TBP: variants seen among roughly 807,000 people sequenced by gnomAD.
The protein encoded by TBP is TATA-box-binding protein.
TBP carries 12 observed loss-of-function variants against 46.2 expected under a neutral mutation model. That is an observed-to-expected ratio of 0.26 (90% CI 0.17 to 0.42). TBP has a LOEUF of 0.42. Ranked by LOEUF, TBP falls within the 10% of genes least tolerant of loss-of-function variation. The pLI is 1.00. For synonymous variants in TBP, 157 were observed against 148.3 expected (o/e 1.06, Z -0.42); for missense variants, 229 against 403.1 (o/e 0.57, Z 3.70).
At position 170,566,929 on chromosome 6, in the gene TBP, G is replaced by A. The variant is rs763833755; in HGVS notation, c.597G>A (p.Ala199=). The change falls in exon 5 of 8, where the codon GCG becomes GCA. Residue 199 remains alanine, a synonymous_variant. Coordinates refer to ENST00000392092, the MANE Select transcript of TBP (RefSeq NM_003194.5). The stretch of plus-strand genomic sequence containing the variant: ...TCTGACCATTGTAGCGGTTTGCTGC[G>A]GTAATCATGAGGATAAGAGAGCCAC... ...NAEYNPKRFA[A]VIMRIREPRT... 34 of 1,612,842 alleles carry A rather than the reference G, an allele frequency of 2.1e-5. No individual in the cohort carries two copies. Among genetic ancestry groups the A allele is most frequent in the Middle Eastern group, 1.6e-4 (1 of 6,080 alleles).
At chr6:170,565,748 C>T (rs1277090731) in intron 4 of TBP, among the ~76,000 whole-genome samples, 2 of 152,014 alleles carry the variant, frequency 1.3e-5, no homozygotes, top group African/African-American at 4.8e-5. Flanking sequence ...TTGATAAAAT[C>T]ACAGGGAAGA....
At chr6:170,555,496 G>T (rs1182647668) in intron 1 of TBP, among the ~76,000 whole-genome samples, 1 of 152,138 alleles carries the variant, frequency 6.6e-6, no homozygotes, top group Non-Finnish European at 1.5e-5. Flanking sequence ...GTCATACTAA[G>T]CTTGTTGCCT....
chr6:170,564,452 G>A, intron 3 of TBP, 93 bp from the exon 4 acceptor site: 1 of 833,678 alleles, frequency 1.2e-6, no homozygotes, highest in South Asian at 1.6e-5. Flanking sequence ...AAGCCTGGTT[G>A]AAATAATCAG....
intron 2 of TBP, among the ~76,000 whole-genome samples, chr6:170,557,370 C>T (rs1201450748): frequency 4.0e-5 from 6 of 151,896 alleles, no homozygotes; most frequent in African/African-American, 1.2e-4. Context: ...TGAAAATCAC[C>T]CTCACCAAAT....
chr6:170,569,854 C>CATGCAAAATATTCAGTATATACTGAAT, intron 6 of TBP, 75 bp downstream of exon 6: 1 of 1,380,690 alleles, frequency 7.2e-7, no homozygotes, highest in South Asian at 1.3e-5. Context: ...GAATAAAACA[C>CATGCAAAATATTCAGTATATACTGAAT]ATGCAAAATA....
In TBP at chr6:170,569,931, C is replaced by T. The variant is rs535670070; in HGVS notation, c.845+152C>T. 155 of 771,614 alleles carry T rather than the reference C, an allele frequency of 2.0e-4. 2 individuals carry two copies. The South Asian group carries it at 3.3e-3, about 16-fold the overall frequency. 47.8% of individuals were successfully genotyped at this position (771,614 alleles called of 1,614,324 possible). A position where few individuals can be genotyped will look rare whatever the true frequency, so the allele number is the denominator to read the frequency against. Reference sequence around the variant, plus strand: ...ATTCTTGCATTGTCTTCCTGATGTTCTCAGTCATATTTATCACCCTCACCA... The same window carrying T: ...ATTCTTGCATTGTCTTCCTGATGTTTTCAGTCATATTTATCACCCTCACCA... On this transcript the variant is annotated intron_variant, in intron 6 of 7. Transcript: ENST00000392092.
At chr6:170,570,687 G>A (rs535348707) in intron 6 of TBP, among the ~76,000 whole-genome samples, 1 of 152,256 alleles carries the variant, frequency 6.6e-6, no homozygotes, top group African/African-American at 2.4e-5. Flanking sequence ...ACAAAAATTA[G>A]CTGGACATGG....
At chr6:170,558,694 T>G (rs80046763) in intron 2 of TBP, among the ~76,000 whole-genome samples, 1 of 150,882 alleles carries the variant, frequency 6.6e-6, no homozygotes, top group East Asian at 1.9e-4. Context: ...TCTTTTTTTT[T>G]GTATTTTTTT....
chr6:170,571,392 T>C lies in TBP; in HGVS notation c.846-18T>C, dbSNP rs1461381951. 6.3e-7 allele frequency: 1 copy of C among 1,587,266 alleles called. No homozygotes were observed. The highest frequency in any genetic ancestry group is 8.6e-7 in the Non-Finnish European group (1 of 1,158,772). On this transcript the variant is annotated intron_variant, in intron 6 of 7. Coordinates refer to ENST00000392092, the MANE Select transcript of TBP (RefSeq NM_003194.5). ...ACAAAGCTCTTGATTTCTAAACTTT[T>C]TGCAATTTTCCTTCTAGTTATGAGC... is the stretch of plus-strand genomic sequence containing the variant.
intron 2 of TBP, among the ~76,000 whole-genome samples, chr6:170,560,260 A>T (rs1779116587): frequency 6.6e-6 from 1 of 152,188 alleles, no homozygotes; most frequent in African/African-American, 2.4e-5. Flanking sequence ...GTACTTTGGG[A>T]GGCCAAGGTG....
At chr6:170,558,117 A>C (rs74723330) in intron 2 of TBP, among the ~76,000 whole-genome samples, 2,795 of 152,266 alleles carry the variant, frequency 0.018, 39 homozygotes, top group Non-Finnish European at 0.031. Flanking sequence ...AGTTGCTCAC[A>C]TTTGGGGTCT....
chr6:170,557,454 C>T (rs1290745345), intron 2 of TBP, among the ~76,000 whole-genome samples: 2 of 152,062 alleles, frequency 1.3e-5, no homozygotes, highest in African/African-American at 4.8e-5. Flanking sequence ...AATTTTTCAG[C>T]CTGGGTGCAG....
At chr6:170,563,390 C>G (rs1013255985) in intron 3 of TBP, among the ~76,000 whole-genome samples, 6 of 152,170 alleles carry the variant, frequency 3.9e-5, no homozygotes, top group African/African-American at 1.2e-4. Flanking sequence ...TCAGTGCCCT[C>G]TCCATCTTGT....
chr6:170,556,634 G>A (rs1368600492), intron 1 of TBP, among the ~76,000 whole-genome samples: 7 of 152,136 alleles, frequency 4.6e-5, no homozygotes, highest in Non-Finnish European at 1.0e-4. Context: ...ATGACAGCTC[G>A]ATTTTGAGCA....
intron 2 of TBP, among the ~76,000 whole-genome samples, chr6:170,560,377 TGCCTGTAGTCCCA>T (rs1779118742): frequency 6.6e-6 from 1 of 152,140 alleles, no homozygotes; most frequent in Non-Finnish European, 1.5e-5. Context: ...TGGTGGCATG[TGCCTGTAGTCCCA>T]GCTACTTGGG....
intron 4 of TBP, among the ~76,000 whole-genome samples, chr6:170,565,506 CT>C (rs1281379408): frequency 6.6e-6 from 1 of 152,144 alleles, no homozygotes; most frequent in Admixed American, 6.5e-5. Context: ...AGCTAAGGGT[CT>C]GAAAATCACC....
rs1419445585 is a variant in TBP, at chr6:170,566,930, G to T, written c.598G>T (p.Val200Leu). The T allele has an allele frequency of 6.2e-7, 1 of 1,613,218 alleles. No individual in the cohort carries two copies. Among genetic ancestry groups the T allele is most frequent in the East Asian group, 2.2e-5 (1 of 44,852 alleles). ...AEYNPKRFAA[V>L]IMRIREPRTT... Reference sequence around the variant, plus strand: ...CTGACCATTGTAGCGGTTTGCTGCGGTAATCATGAGGATAAGAGAGCCACG... The same window carrying T: ...CTGACCATTGTAGCGGTTTGCTGCGTTAATCATGAGGATAAGAGAGCCACG... The change falls in exon 5 of 8, where the codon GTA (valine) becomes TTA (leucine). Residue 200 changes from valine to leucine, a missense_variant. Physicochemically the swap from Val to Leu is conservative, Grantham distance 32. This residue lies in a region of TBP where 67 missense variants were observed against 188.2 expected (regional missense o/e 0.36). Coordinates refer to ENST00000392092, the MANE Select transcript of TBP (RefSeq NM_003194.5).
At chr6:170,559,197 C>T (rs1244491865) in intron 2 of TBP, among the ~76,000 whole-genome samples, 2 of 152,102 alleles carry the variant, frequency 1.3e-5, no homozygotes, top group African/African-American at 2.4e-5. Flanking sequence ...TAATTAATAA[C>T]CTTACAGTGA....
chr6:170,562,337 C>G, intron 3 of TBP, 104 bp downstream of exon 3: 1 of 1,266,334 alleles, frequency 7.9e-7, no homozygotes, highest in Non-Finnish European at 1.1e-6. Flanking sequence ...GGGAGTGGCA[C>G]TAACGGTAAT....
Sources: allele counts gnomAD v4.1 joint callset (sites outside exome capture counted in the v4.1 genomes callset), GRCh38; gene constraint gnomAD v4.1.1; regional missense constraint gnomAD v4.1.1; transcripts MANE v1.5; gene names NCBI Gene and HGNC (gene_info 2026-07-23, HGNC 2026-07-21).